COL4A2: variants seen among roughly 807,000 people sequenced by gnomAD.
COL4A2 encodes the protein collagen type IV alpha 2 chain.
Under a neutral mutation model 200.2 loss-of-function variants are expected in COL4A2, and 99 were observed. The ratio of observed to expected loss-of-function variants is 0.49; its 90% CI spans 0.42 to 0.58. COL4A2 has a LOEUF of 0.58. COL4A2 is among the 20% of genes least tolerant of loss of function. COL4A2 has a pLI of 0.00. For missense variants in COL4A2, 1,950 were observed against 2,314.1 expected, an observed-to-expected ratio of 0.84 and a Z score of 3.23; for synonymous variants, 897 against 900.6, an observed-to-expected ratio of 1.00 and a Z score of 0.07.
chr13:110,318,754 C>T lies in COL4A2; in HGVS notation c.99+10631C>T, dbSNP rs376145356. On this transcript the variant is annotated intron_variant, in intron 3 of 47. Transcript: ENST00000360467. ...AGAGAGTTTAGCAATCTTAGCATTG[C>T]GGTGCTTGATCAACACTAGTTCACA... Among the ~76,000 whole-genome samples the T allele has an allele frequency of 1.4e-4, 22 of 152,218 alleles. No individual in the cohort carries two copies. In the South Asian group the frequency reaches 1.9e-3, roughly 13 times the overall value.
In COL4A2 at chr13:110,484,910, C is replaced by T. The variant is rs758156725; in HGVS notation, c.2908C>T (p.Arg970Ter). The change falls in exon 33 of 48, where the codon CGA becomes TGA. Residue 970 changes from arginine (R) to a stop codon, truncating the protein, a stop_gained. Coordinates refer to ENST00000360467, the MANE Select transcript of COL4A2 (RefSeq NM_001846.4). LOFTEE classifies it high-confidence loss of function. Reference sequence around the variant, plus strand: ...AGCACTCTATTCCCTTCCAGGCAGCCGAGGGGACCCTGGGCCCCCAGGACC... The same window carrying T: ...AGCACTCTATTCCCTTCCAGGCAGCTGAGGGGACCCTGGGCCCCCAGGACC... ...LAGEPGFKGS[R>*]GDPGPPGPPP... 4 of 1,610,016 alleles carry T rather than the reference C, an allele frequency of 2.5e-6. No homozygotes were observed. Among genetic ancestry groups the T allele is most frequent in the African/African-American group, 1.3e-5 (1 of 74,772 alleles).
intron 4 of COL4A2, among the ~76,000 whole-genome samples, chr13:110,393,037 CTGCGAAGTAT>C (rs1046691617): frequency 6.6e-6 from 1 of 152,198 alleles, no homozygotes; most frequent in Non-Finnish European, 1.5e-5. Context: ...ACACGAACAG[CTGCGAAGTAT>C]TGTTGATCTC....
intron 3 of COL4A2, among the ~76,000 whole-genome samples, chr13:110,328,073 G>C (rs1047772946): frequency 1.3e-5 from 2 of 152,176 alleles, no homozygotes; most frequent in Non-Finnish European, 2.9e-5. Flanking sequence ...GCAGTAAACT[G>C]TAGGCAAGAA....
chr13:110,512,267 T>C lies in COL4A2; in HGVS notation c.*76T>C, dbSNP rs422733. ...CCTCAGGTGCCAACCCAAAAATTGG[T>C]TTTATTTTTTTCTTAAAAAAAAAAA... is the stretch of plus-strand genomic sequence containing the variant. On this transcript the variant is annotated 3_prime_UTR_variant, in exon 48 of 48. Transcript: ENST00000360467. 827,195 of 1,477,380 alleles carry C rather than the reference T, an allele frequency of 0.56. 234,439 individuals carry two copies. Among genetic ancestry groups the C allele is most frequent in the Middle Eastern group, 0.59 (2,936 of 4,946 alleles). 91.5% of individuals were successfully genotyped at this position (1,477,380 alleles called of 1,614,324 possible). A position where few individuals can be genotyped will look rare whatever the true frequency, so the allele number is the denominator to read the frequency against.
intron 4 of COL4A2, among the ~76,000 whole-genome samples, chr13:110,374,566 ACT>A (rs1233280250): frequency 6.6e-6 from 1 of 151,716 alleles, no homozygotes; most frequent in Non-Finnish European, 1.5e-5. Flanking sequence ...CGTTTATCCT[ACT>A]CTCTTTCCTC....
rs750478253 is a variant in COL4A2, at chr13:110,503,491, C to T, written c.4138+10C>T. Reference sequence around the variant, plus strand: ...GACCCAGGATTCCCTGGTAAGTGACCGTCTGGTATCTTCAGAGCTAGTGGC... The same window carrying T: ...GACCCAGGATTCCCTGGTAAGTGACTGTCTGGTATCTTCAGAGCTAGTGGC... On this transcript the variant is annotated intron_variant, in intron 43 of 47. Coordinates refer to ENST00000360467, the MANE Select transcript of COL4A2 (RefSeq NM_001846.4). The T allele has an allele frequency of 7.6e-5, 114 of 1,498,602 alleles. No individual in the cohort carries two copies. Among genetic ancestry groups the T allele is most frequent in the Non-Finnish European group, 8.9e-5 (98 of 1,102,514 alleles). 92.8% of individuals were successfully genotyped at this position (1,498,602 alleles called of 1,614,324 possible).
At chr13:110,509,787 A>G (rs1299861031) in intron 47 of COL4A2, among the ~76,000 whole-genome samples, 1 of 152,152 alleles carries the variant, frequency 6.6e-6, no homozygotes. Context: ...CAAGCCTGGA[A>G]CTTGACATCC....
intron 18 of COL4A2, among the ~76,000 whole-genome samples, chr13:110,448,328 G>A (rs776127025): frequency 1.2e-4 from 19 of 152,098 alleles, no homozygotes; most frequent in South Asian, 4.1e-4. Context: ...CCTTCTCACC[G>A]TACTATATTC....
intron 34 of COL4A2, 135 bp downstream of exon 34, chr13:110,485,971 G>A: frequency 1.5e-6 from 2 of 1,366,422 alleles, no homozygotes; most frequent in Middle Eastern, 5.1e-4. Flanking sequence ...GGCTTGGTGG[G>A]GTCCACACAG....
At position 110,357,456 on chromosome 13, in the gene COL4A2, T is replaced by C; in HGVS notation, c.100-16T>C. 3.8e-6 allele frequency: 6 copies of C among 1,576,892 alleles called. No individual in the cohort carries two copies. The highest frequency in any genetic ancestry group is 4.3e-6 in the Non-Finnish European group (5 of 1,158,632). On this transcript the variant is annotated splice_polypyrimidine_tract_variant and intron_variant, in intron 3 of 47. Coordinates refer to ENST00000360467, the MANE Select transcript of COL4A2 (RefSeq NM_001846.4). ...GTTTAGGTAACTTTTCTTTGCCTTGTGTTTTATTGTTGCAGGGTGTGAAGA... is the reference window on the plus strand; with the variant it reads ...GTTTAGGTAACTTTTCTTTGCCTTGCGTTTTATTGTTGCAGGGTGTGAAGA...
At chr13:110,485,367 C>CA (rs1197862980) in intron 33 of COL4A2, among the ~76,000 whole-genome samples, 15 of 151,750 alleles carry the variant, frequency 9.9e-5, no homozygotes, top group African/African-American at 2.4e-4. Flanking sequence ...ACTAAAAATA[C>CA]AAAAAAATTA....
At chr13:110,406,729 C>T (rs1879586088) in intron 4 of COL4A2, among the ~76,000 whole-genome samples, 1 of 151,958 alleles carries the variant, frequency 6.6e-6, no homozygotes, top group South Asian at 2.1e-4. Flanking sequence ...ATTTTGTTCT[C>T]TCTCATGTTT....
intron 3 of COL4A2, among the ~76,000 whole-genome samples, chr13:110,323,531 A>G (rs9515190): frequency 0.2 from 30,415 of 152,166 alleles, 3,664 homozygotes; most frequent in African/African-American, 0.33. Context: ...GCTGGGGGCC[A>G]GCCCACAGGC....
At chr13:110,438,487 C>A in intron 14 of COL4A2, 131 bp from the exon 15 acceptor site, 1 of 1,230,400 alleles carries the variant, frequency 8.1e-7, no homozygotes, top group Non-Finnish European at 1.2e-6. Flanking sequence ...CTGAGTTGAG[C>A]ATCGCCAGGC....
chr13:110,460,323 G>C (rs1881975626), intron 22 of COL4A2, among the ~76,000 whole-genome samples: 1 of 152,248 alleles, frequency 6.6e-6, no homozygotes, highest in East Asian at 1.9e-4. Flanking sequence ...GGTTTTCTCA[G>C]AAAACAGATA....
At chr13:110,511,851 T>A in intron 47 of COL4A2, 83 bp from the exon 48 acceptor site, 3 of 1,592,448 alleles carry the variant, frequency 1.9e-6, no homozygotes, top group Non-Finnish European at 2.6e-6. Context: ...TAAAAACAAA[T>A]GCACAGAAGA....
chr13:110,426,296 C>T (rs1171707732), intron 6 of COL4A2, among the ~76,000 whole-genome samples: 1 of 152,172 alleles, frequency 6.6e-6, no homozygotes, highest in Non-Finnish European at 1.5e-5. Context: ...AAGTTTCCTT[C>T]ATGTTTCCAC....
chr13:110,400,389 A>C (rs1007321258), intron 4 of COL4A2, among the ~76,000 whole-genome samples: 1 of 152,370 alleles, frequency 6.6e-6, no homozygotes, highest in African/African-American at 2.4e-5. Flanking sequence ...TCCCTGAAAG[A>C]GTTGATGGTT....
At chr13:110,427,403 G>C (rs1305144282) in intron 6 of COL4A2, among the ~76,000 whole-genome samples, 1 of 152,288 alleles carries the variant, frequency 6.6e-6, no homozygotes, top group Non-Finnish European at 1.5e-5. Flanking sequence ...ACCTGCCTCA[G>C]CCTCCCAAAG....
Sources: allele counts gnomAD v4.1 joint callset (sites outside exome capture counted in the v4.1 genomes callset), GRCh38; gene constraint gnomAD v4.1.1; transcripts MANE v1.5; gene names NCBI Gene and HGNC (gene_info 2026-07-23, HGNC 2026-07-21).